TCEANC2: variants seen among roughly 807,000 people sequenced by gnomAD.
TCEANC2 encodes the protein transcription elongation factor A N-terminal and central domain containing 2.
TCEANC2 carries 20 observed loss-of-function variants against 22.8 expected under a neutral mutation model. The observed-to-expected ratio is 0.88, with a 90% CI of 0.62 to 1.28. The LOEUF is 1.28. Among genes scored for constraint, TCEANC2 ranks in the 50% most tolerant of loss-of-function variants. TCEANC2 has a pLI of 0.00. For synonymous variants in TCEANC2, 84 were observed against 95.5 expected, an observed-to-expected ratio of 0.88 and a Z score of 0.70; for missense variants, 251 against 249.7, an observed-to-expected ratio of 1.01 and a Z score of -0.03.
chr1:54,062,632 G>A (rs1657879937), intron 2 of TCEANC2, among the ~76,000 whole-genome samples: 1 of 152,234 alleles, frequency 6.6e-6, no homozygotes, highest in Non-Finnish European at 1.5e-5. Flanking sequence ...ACAAGTTGCA[G>A]AGGGACGCAA....
intron 2 of TCEANC2, among the ~76,000 whole-genome samples, chr1:54,068,053 T>C (rs1230030080): frequency 2.6e-5 from 4 of 152,248 alleles, no homozygotes; most frequent in African/African-American, 4.8e-5. Context: ...ACCATCTCCT[T>C]TACCCAGATT....
rs1351316480 is a variant in TCEANC2, at chr1:54,100,814, G to A, written c.*4341G>A. ...GGATACCATGGGAAGTTTTTGAGGA[G>A]GTGAGGGACCTAATCAGATGTGTGT... On this transcript the variant is annotated 3_prime_UTR_variant, in exon 5 of 5. Transcript: ENST00000234827. The A allele has an allele frequency of 6.6e-6, 1 of 152,096 alleles. No individual in the cohort carries two copies. Among genetic ancestry groups the A allele is most frequent in the Non-Finnish European group, 1.5e-5 (1 of 68,022 alleles). 9.4% of individuals were successfully genotyped at this position (152,096 alleles called of 1,614,324 possible).
In TCEANC2 at chr1:54,103,618, C is replaced by G. The variant is rs1215431310; in HGVS notation, c.*7145C>G. 1 of 152,214 alleles carries G rather than the reference C, an allele frequency of 6.6e-6. No homozygotes were observed. Among genetic ancestry groups the G allele is most frequent in the African/African-American group, 2.4e-5 (1 of 41,426 alleles). The allele number at this position is 152,214 out of a possible 1,614,324, so 9.4% of individuals were successfully genotyped here. On this transcript the variant is annotated 3_prime_UTR_variant, in exon 5 of 5. Transcript: ENST00000234827. ...ATCAGATGGTATGGCATGGCTCCCA[C>G]TCACCAAGACTGATCTAGCTATTGC...
intron 3 of TCEANC2, among the ~76,000 whole-genome samples, chr1:54,082,150 C>A: frequency 6.6e-6 from 1 of 152,104 alleles, no homozygotes; most frequent in East Asian, 1.9e-4. Context: ...TTAGGTTTCT[C>A]ATTTGTAAAA....
Position 54,106,044 on chromosome 1 carries a change from G to T in TCEANC2, c.*9571G>T, listed in dbSNP as rs568626956. 22 of 152,322 alleles carry T rather than the reference G, an allele frequency of 1.4e-4. No homozygotes were observed. Among genetic ancestry groups the T allele is most frequent in the African/African-American group, 4.8e-4 (20 of 41,576 alleles). 9.4% of individuals were successfully genotyped at this position (152,322 alleles called of 1,614,324 possible). A position where few individuals can be genotyped will look rare whatever the true frequency, so the allele number is the denominator to read the frequency against. On this transcript the variant is annotated 3_prime_UTR_variant, in exon 5 of 5. Transcript: ENST00000234827. ...AGCTGTGGACAGTATGTAAATGAAT[G>T]AATGTGGCTGTGTTCCAATAAAACT...
At chr1:54,073,442 G>T (rs1408104901) in intron 3 of TCEANC2, among the ~76,000 whole-genome samples, 2 of 152,132 alleles carry the variant, frequency 1.3e-5, no homozygotes, top group African/African-American at 4.8e-5. Context: ...CCTCGCTACT[G>T]GCCCACAGCT....
At chr1:54,092,562 T>A (rs1390574056) in intron 4 of TCEANC2, among the ~76,000 whole-genome samples, 1 of 152,234 alleles carries the variant, frequency 6.6e-6, no homozygotes. Context: ...AAATATTGGT[T>A]GAACATTTAC....
chr1:54,071,258 AT>A, intron 3 of TCEANC2, among the ~76,000 whole-genome samples: 1 of 152,086 alleles, frequency 6.6e-6, no homozygotes, highest in Non-Finnish European at 1.5e-5. Context: ...GACAATATTT[AT>A]TTTTTCACAC....
chr1:54,078,216 T>C (rs1658179423), intron 3 of TCEANC2, among the ~76,000 whole-genome samples: 1 of 152,208 alleles, frequency 6.6e-6, no homozygotes, highest in Non-Finnish European at 1.5e-5. Context: ...ATTTTTCTTA[T>C]ATATTTCTAT....
intron 2 of TCEANC2, among the ~76,000 whole-genome samples, chr1:54,066,026 T>C (rs1048022498): frequency 6.6e-6 from 1 of 151,848 alleles, no homozygotes; most frequent in African/African-American, 2.4e-5. Flanking sequence ...GAGGTTGCAG[T>C]GAGCCGAGAT....
chr1:54,070,883 A>G (rs992639627), intron 3 of TCEANC2, among the ~76,000 whole-genome samples: 1 of 152,360 alleles, frequency 6.6e-6, no homozygotes, highest in Non-Finnish European at 1.5e-5. Flanking sequence ...ATAGAAACAC[A>G]GTTTAACAAG....
At chr1:54,056,276 A>G (rs1657749978) in intron 2 of TCEANC2, among the ~76,000 whole-genome samples, 1 of 151,998 alleles carries the variant, frequency 6.6e-6, no homozygotes, top group East Asian at 1.9e-4. Flanking sequence ...ACACTCACCT[A>G]CACCTACAAA....
chr1:54,096,966 C>T lies in TCEANC2; in HGVS notation c.*493C>T, dbSNP rs1218166641. ...TTGCTCTATCCCAGGGGTGAGCCTG[C>T]GAGAGCCAGCCAACTACCCCTTCTT... On this transcript the variant is annotated 3_prime_UTR_variant, in exon 5 of 5. Transcript: ENST00000234827. This position sits in a 1 kb window ranked among gnomAD's most constrained non-coding sequence, Gnocchi z 4.9. 9 of 985,996 alleles carry T rather than the reference C, an allele frequency of 9.1e-6. No individual in the cohort carries two copies. The South Asian group carries it at 3.8e-4, about 41-fold the overall frequency. 61.1% of individuals were successfully genotyped at this position (985,996 alleles called of 1,614,324 possible). A position where few individuals can be genotyped will look rare whatever the true frequency, so the allele number is the denominator to read the frequency against.
downstream of TCEANC2, among the ~76,000 whole-genome samples, chr1:54,109,457 T>C (rs1658808823): frequency 6.6e-6 from 1 of 152,138 alleles, no homozygotes; most frequent in South Asian, 2.1e-4. Flanking sequence ...TGGAGAACTT[T>C]AAAGGTTTTC....
At chr1:54,089,784 A>C in intron 4 of TCEANC2, 1 of 355,676 alleles carries the variant, frequency 2.8e-6, no homozygotes, top group Non-Finnish European at 5.1e-6. Flanking sequence ...TTTTAAAATA[A>C]AGTTTTGGAC....
Position 54,068,908 on chromosome 1 carries a change from T to C in TCEANC2, c.244+11T>C. The C allele has an allele frequency of 6.6e-7, 1 of 1,524,810 alleles. No homozygotes were observed. Among genetic ancestry groups the C allele is most frequent in the South Asian group, 1.3e-5 (1 of 75,466 alleles). The allele number at this position is 1,524,810 out of a possible 1,614,324, so 94.5% of individuals were successfully genotyped here. ...AATCAACAAGGATAGGTATATTCCT[T>C]CTTAATTTTATTTTTTAAGAAAGCT... On this transcript the variant is annotated intron_variant, in intron 3 of 4. Transcript: ENST00000234827.
intron 2 of TCEANC2, among the ~76,000 whole-genome samples, chr1:54,060,429 C>T (rs1657831308): frequency 6.7e-6 from 1 of 150,060 alleles, no homozygotes; most frequent in Non-Finnish European, 1.5e-5. Flanking sequence ...ATTAGCCGGG[C>T]GTGGTGGCAT....
downstream of TCEANC2, among the ~76,000 whole-genome samples, chr1:54,109,127 G>A (rs1658803424): frequency 6.6e-6 from 1 of 152,190 alleles, no homozygotes; most frequent in South Asian, 2.1e-4. Flanking sequence ...GGGCTGAGTG[G>A]GAGCACAGTG....
At chr1:54,090,573 A>C (rs1324903615) in intron 4 of TCEANC2, among the ~76,000 whole-genome samples, 1 of 151,366 alleles carries the variant, frequency 6.6e-6, no homozygotes, top group Non-Finnish European at 1.5e-5. Context: ...TTATTTTTTC[A>C]TGTTTATAAT....
Sources: gnomAD v4.1 joint callset for allele counts (sites outside exome capture counted in the v4.1 genomes callset) on GRCh38, gnomAD v4.1.1 for gene constraint, Gnocchi (gnomAD v3.1) non-coding constraint, MANE v1.5 for transcripts, NCBI Gene and HGNC (gene_info 2026-07-23, HGNC 2026-07-21) for gene names.